ATG10: variants seen among roughly 807,000 people sequenced by gnomAD.
ATG10 encodes the protein ubiquitin-like-conjugating enzyme ATG10.
In ATG10, 30 loss-of-function variants were observed where a neutral mutation model predicts 32.1. The observed-to-expected ratio is 0.94, with a 90% confidence interval of 0.70 to 1.27. The LOEUF (loss-of-function observed/expected upper bound fraction) is 1.27, where lower values mean the gene tolerates loss of function less well. Ranked by LOEUF, ATG10 falls within the 50% of genes most tolerant of loss-of-function variation. The pLI, the probability that ATG10 is intolerant of heterozygous loss-of-function variation, is 0.00. For synonymous variants in ATG10, 87 were observed against 91.5 expected (o/e 0.95, Z 0.28); for missense variants, 233 against 262.3 (o/e 0.89, Z 0.77).
chr5:82,124,094 A>G (rs1766154186), intron 3 of ATG10, among the ~76,000 whole-genome samples: 1 of 133,520 alleles, frequency 7.5e-6, no homozygotes, highest in African/African-American at 2.9e-5. Flanking sequence ...TTTTTTTGAG[A>G]TGGAGTCTCG....
intron 2 of ATG10, among the ~76,000 whole-genome samples, chr5:82,025,697 A>G (rs1161925964): frequency 1.3e-5 from 2 of 152,196 alleles, no homozygotes; most frequent in South Asian, 2.1e-4. Context: ...ATATTTGAGT[A>G]GTATTTGAAG....
chr5:81,987,054 TAAC>T (rs1249630166), intron 1 of ATG10, among the ~76,000 whole-genome samples: 1 of 151,482 alleles, frequency 6.6e-6, no homozygotes, highest in South Asian at 2.1e-4. Flanking sequence ...AAAACAACAA[TAAC>T]AACAACAACA....
At chr5:82,082,913 G>A (rs1049072089) in intron 3 of ATG10, among the ~76,000 whole-genome samples, 3 of 152,208 alleles carry the variant, frequency 2.0e-5, no homozygotes, top group African/African-American at 7.2e-5. Flanking sequence ...GCTCCATTCT[G>A]CAGCTCCCAG....
intron 3 of ATG10, among the ~76,000 whole-genome samples, chr5:82,113,520 C>T (rs1232996995): frequency 6.6e-6 from 1 of 151,896 alleles, no homozygotes; most frequent in African/African-American, 2.4e-5. Context: ...ATGCAGTTCA[C>T]ATTTTCAGTG....
chr5:82,218,466 GT>G (rs1745784669), intron 5 of ATG10, among the ~76,000 whole-genome samples: 2 of 152,140 alleles, frequency 1.3e-5, no homozygotes, highest in South Asian at 4.1e-4. Context: ...AGGTTCAGTT[GT>G]TTTGGTACAG....
chr5:81,993,336 C>CTTCT (rs376821435), intron 2 of ATG10, among the ~76,000 whole-genome samples: 1,335 of 77,610 alleles, frequency 0.017, 41 homozygotes, highest in Admixed American at 0.023. Context: ...TCCTTCCTTC[C>CTTCT]TTCTTTCTTT....
chr5:82,020,868 G>A (rs1005932163), intron 2 of ATG10, among the ~76,000 whole-genome samples: 1 of 152,192 alleles, frequency 6.6e-6, no homozygotes, highest in African/African-American at 2.4e-5. Flanking sequence ...AATGAAATCA[G>A]TCTGCCACAA....
At chr5:82,073,823 A>G (rs1333798854) in intron 3 of ATG10, 1 of 152,242 alleles carries the variant, frequency 6.6e-6, no homozygotes, top group Non-Finnish European at 1.5e-5. Flanking sequence ...ATGAGGATCA[A>G]ATAAGATGGT....
rs981763180 is a variant in ATG10, at chr5:82,254,297, C to T, written c.*234C>T. 11 of 152,332 alleles carry T rather than the reference C, an allele frequency of 7.2e-5. No homozygotes were observed. Among genetic ancestry groups the T allele is most frequent in the African/African-American group, 2.7e-4 (11 of 41,456 alleles). The allele number at this position is 152,332 out of a possible 1,614,324, so 9.4% of individuals were successfully genotyped here. ...CATGGCCAGGCATGGTGGCTCACAC[C>T]TGTAATCCAAGCACTTTGGGAGGCC... On this transcript the variant is annotated 3_prime_UTR_variant, in exon 8 of 8. Transcript: ENST00000282185.
At chr5:82,241,977 A>G (rs1003784371) in intron 5 of ATG10, among the ~76,000 whole-genome samples, 6 of 152,122 alleles carry the variant, frequency 3.9e-5, no homozygotes, top group African/African-American at 1.4e-4. Flanking sequence ...TTAAGCCTCA[A>G]AGAATTACCA....
At chr5:82,157,796 C>A (rs1026746650) in intron 3 of ATG10, among the ~76,000 whole-genome samples, 1 of 152,156 alleles carries the variant, frequency 6.6e-6, no homozygotes, top group African/African-American at 2.4e-5. Context: ...TGTGTCCAGT[C>A]TTCAGTACAG....
At chr5:82,104,769 C>T (rs1163965661) in intron 3 of ATG10, among the ~76,000 whole-genome samples, 2 of 152,068 alleles carry the variant, frequency 1.3e-5, no homozygotes, top group South Asian at 2.1e-4. Flanking sequence ...GGGGAGACAA[C>T]TTAAGCTTTA....
At chr5:81,984,359 T>G (rs908068640) in intron 1 of ATG10, among the ~76,000 whole-genome samples, 12 of 152,316 alleles carry the variant, frequency 7.9e-5, no homozygotes, top group Admixed American at 3.3e-4. Flanking sequence ...GAGGTTGCAG[T>G]GAGCTGAGAT....
In ATG10 at chr5:82,140,643, G is replaced by A. The variant is rs1174645642; in HGVS notation, c.217-23756G>A. Among the ~76,000 whole-genome samples the A allele has an allele frequency of 1.2e-4, 7 of 57,176 alleles. No homozygotes were observed. In the East Asian group the frequency reaches 4.3e-3, roughly 35 times the overall value. The allele number at this position is 57,176 out of a possible 152,430, so 37.5% of individuals were successfully genotyped here. ...CCCGGCCAGCCGCCCCGTCCGGGAG[G>A]TGAGGGGCGCCTCTGCCCGGCCGCC... is the stretch of plus-strand genomic sequence containing the variant. On this transcript the variant is annotated intron_variant, in intron 3 of 7. Transcript: ENST00000282185.
chr5:82,115,725 G>T (rs1473045487), intron 3 of ATG10, among the ~76,000 whole-genome samples: 1 of 151,966 alleles, frequency 6.6e-6, no homozygotes, highest in Non-Finnish European at 1.5e-5. Flanking sequence ...TTCTTGTATG[G>T]TAAGGCCAAA....
Position 82,016,727 on chromosome 5 carries a change from T to C in ATG10, c.108+29049T>C, listed in dbSNP as rs553791405. Among the ~76,000 whole-genome samples, 334 of 151,892 alleles carry C rather than the reference T, an allele frequency of 2.2e-3. 1 individual carries two copies. The highest frequency in any genetic ancestry group is 7.8e-3 in the African/African-American group (322 of 41,426). Reference sequence around the variant, plus strand: ...TTTTTGAGATGGAGTCTTGCTCTGTTGCCCAGGCTGGAGTGCAGTGGCATG... The same window carrying C: ...TTTTTGAGATGGAGTCTTGCTCTGTCGCCCAGGCTGGAGTGCAGTGGCATG... On this transcript the variant is annotated intron_variant, in intron 2 of 7. Coordinates refer to ENST00000282185, the MANE Select transcript of ATG10 (RefSeq NM_031482.5).
intron 3 of ATG10, among the ~76,000 whole-genome samples, chr5:82,102,193 C>T (rs1399835234): frequency 1.3e-5 from 2 of 152,168 alleles, no homozygotes; most frequent in African/African-American, 2.4e-5. Context: ...TGTATAGCCT[C>T]AGTCTTACTT....
At chr5:82,124,535 G>A (rs192858606) in intron 3 of ATG10, among the ~76,000 whole-genome samples, 38 of 151,752 alleles carry the variant, frequency 2.5e-4, no homozygotes, top group Admixed American at 1.1e-3. Context: ...ATTTATAAGC[G>A]AGAACATGTG....
At chr5:82,115,406 G>A (rs1432102741) in intron 3 of ATG10, among the ~76,000 whole-genome samples, 1 of 152,054 alleles carries the variant, frequency 6.6e-6, no homozygotes, top group Non-Finnish European at 1.5e-5. Flanking sequence ...ATTGGCCAAT[G>A]TTCACAGTTT....
Sources: gnomAD v4.1 joint callset for allele counts (sites outside exome capture counted in the v4.1 genomes callset) on GRCh38, gnomAD v4.1.1 for gene constraint, MANE v1.5 for transcripts, NCBI Gene and HGNC (gene_info 2026-07-23, HGNC 2026-07-21) for gene names.